Variants in ZFHX3 observed in about 807,000 individuals in gnomAD.
ZFHX3 encodes the protein zinc finger homeobox protein 3.
A neutral mutation model predicts 279.1 loss-of-function variants in ZFHX3; 42 were observed. The ratio of observed to expected loss-of-function variants is 0.15; its 90% CI spans 0.12 to 0.19. The LOEUF (loss-of-function observed/expected upper bound fraction) is 0.19, where lower values mean the gene tolerates loss of function less well. Ranked by LOEUF, ZFHX3 falls within the 10% of genes least tolerant of loss-of-function variation. The pLI, the probability that ZFHX3 is intolerant of heterozygous loss-of-function variation, is 1.00. For missense variants in ZFHX3, 4,981 were observed against 4,754.0 expected (o/e 1.05, Z -1.40); for synonymous variants, 2,293 against 1,957.8 (o/e 1.17, Z -4.52).
chr16:72,889,503 AAAG>A lies in ZFHX3; in HGVS notation c.3448+225_3448+227del, dbSNP rs1203890982. Among the ~76,000 whole-genome samples, 128 of 149,922 alleles carry A rather than the reference AAAG, an allele frequency of 8.5e-4. 2 individuals carry two copies. The highest frequency in any genetic ancestry group is 1.1e-3 in the African/African-American group (46 of 40,522). The stretch of plus-strand genomic sequence containing the variant: ...AATTTCCTTTAAAAAAAAAAAAAAA[AAAG>A]AAGAAGAAGAAGAAAGAAAAGAAAA... On this transcript the variant is annotated intron_variant, in intron 4 of 9. Transcript: ENST00000268489.
chr16:73,251,192 A>C (rs1192059327), intron 5 of ZFHX3, among the ~76,000 whole-genome samples: 1 of 152,208 alleles, frequency 6.6e-6, no homozygotes, highest in Non-Finnish European at 1.5e-5. Flanking sequence ...CTCACAGATA[A>C]TCCAAAGTAC....
intron 2 of ZFHX3, among the ~76,000 whole-genome samples, chr16:73,648,499 C>T (rs945351054): frequency 2.0e-5 from 3 of 152,194 alleles, no homozygotes; most frequent in South Asian, 2.1e-4. Context: ...AAGTGATTCT[C>T]CTGCTTCAGC....
chr16:73,487,446 A>C, intron 2 of ZFHX3: 1 of 437,568 alleles, frequency 2.3e-6, no homozygotes, highest in Non-Finnish European at 4.5e-6. Flanking sequence ...TCTGTTGCCC[A>C]GGCTGGAGTG....
At chr16:73,626,293 C>T (rs574611678) in intron 2 of ZFHX3, among the ~76,000 whole-genome samples, 26 of 152,208 alleles carry the variant, frequency 1.7e-4, no homozygotes, top group Middle Eastern at 6.8e-3. Flanking sequence ...AAGCAGTTGA[C>T]GAGAAAGTGA....
chr16:73,688,006 T>A (rs1335386821), intron 1 of ZFHX3, among the ~76,000 whole-genome samples: 1 of 152,114 alleles, frequency 6.6e-6, no homozygotes, highest in African/African-American at 2.4e-5. Flanking sequence ...CAGGCACATT[T>A]CAGTGGACAT....
chr16:72,911,978 G>A (rs1044255455), intron 3 of ZFHX3, among the ~76,000 whole-genome samples: 1 of 152,208 alleles, frequency 6.6e-6, no homozygotes, highest in African/African-American at 2.4e-5. Flanking sequence ...TAATGTAGAC[G>A]CTGTCTAGGG....
chr16:73,624,527 C>T (rs2052397495), intron 2 of ZFHX3, among the ~76,000 whole-genome samples: 1 of 151,792 alleles, frequency 6.6e-6, no homozygotes, highest in Non-Finnish European at 1.5e-5. Context: ...TAAGCTAGAA[C>T]CATCAACATT....
chr16:73,685,171 C>T (rs1007758128), intron 1 of ZFHX3, among the ~76,000 whole-genome samples: 10 of 151,786 alleles, frequency 6.6e-5, no homozygotes, highest in Admixed American at 1.3e-4. Context: ...CATGCCACCA[C>T]GCCCCTGGCT....
chr16:73,426,541 C>T (rs1384594924), intron 3 of ZFHX3, among the ~76,000 whole-genome samples: 4 of 152,082 alleles, frequency 2.6e-5, no homozygotes, highest in African/African-American at 9.6e-5. Flanking sequence ...AGCCAGAGTA[C>T]CCAAGAATGT....
intron 5 of ZFHX3, among the ~76,000 whole-genome samples, chr16:73,187,865 A>G (rs533867136): frequency 6.6e-6 from 1 of 151,950 alleles, no homozygotes; most frequent in Non-Finnish European, 1.5e-5. Flanking sequence ...AAAGTTTGGA[A>G]CTTTTTTTTT....
rs542157947 is a variant in ZFHX3, at chr16:72,928,516, G to A, written c.3216+21953C>T. Among the ~76,000 whole-genome samples the A allele has an allele frequency of 1.3e-3, 200 of 152,094 alleles. 5 individuals are homozygous for A. The South Asian group carries it at 0.017, about 13-fold the overall frequency. Reference sequence around the variant, plus strand: ...CAAGGCACCCTAAGGAGGGGTCAGCGGTGTTTATGATAGGCCCCCAAACTC... The same window carrying A: ...CAAGGCACCCTAAGGAGGGGTCAGCAGTGTTTATGATAGGCCCCCAAACTC... On this transcript the variant is annotated intron_variant, in intron 3 of 9. Transcript: ENST00000268489.
At chr16:73,334,807 A>ATTC (rs2015877545) in intron 3 of ZFHX3, among the ~76,000 whole-genome samples, 5 of 28,498 alleles carry the variant, frequency 1.8e-4, no homozygotes, top group Non-Finnish European at 3.7e-4. Context: ...TTTCTTTCTC[A>ATTC]TTCTTTTTTT....
chr16:73,366,350 C>T (rs2016527837), intron 3 of ZFHX3, among the ~76,000 whole-genome samples: 1 of 152,000 alleles, frequency 6.6e-6, no homozygotes, highest in Non-Finnish European at 1.5e-5. Flanking sequence ...TTAAAAGGCT[C>T]ATGATGTAAT....
chr16:73,190,687 C>T (rs1341463249), intron 5 of ZFHX3, among the ~76,000 whole-genome samples: 1 of 152,212 alleles, frequency 6.6e-6, no homozygotes, highest in Non-Finnish European at 1.5e-5. Flanking sequence ...GGAAAAGCTA[C>T]TTGTTGTGGC....
chr16:72,933,708 T>C (rs1172360741), intron 3 of ZFHX3, among the ~76,000 whole-genome samples: 1 of 152,210 alleles, frequency 6.6e-6, no homozygotes, highest in Non-Finnish European at 1.5e-5. Context: ...TATTGTAGTT[T>C]TATTATTTTA....
chr16:72,938,987 G>A (rs1960271673), intron 3 of ZFHX3, among the ~76,000 whole-genome samples: 1 of 150,138 alleles, frequency 6.7e-6, no homozygotes, highest in African/African-American at 2.5e-5. Flanking sequence ...TGGCTTCGGA[G>A]TCACACTTGC....
chr16:73,491,301 G>C (rs2019052327), intron 2 of ZFHX3, among the ~76,000 whole-genome samples: 2 of 152,190 alleles, frequency 1.3e-5, no homozygotes, highest in Non-Finnish European at 1.5e-5. Flanking sequence ...TTTCAGCCCA[G>C]AGGTGATACA....
intron 2 of ZFHX3, among the ~76,000 whole-genome samples, chr16:73,556,674 T>C (rs920943244): frequency 2.0e-5 from 3 of 150,440 alleles, no homozygotes; most frequent in Non-Finnish European, 4.4e-5. Flanking sequence ...AAGGAAGGAG[T>C]CCTAGGGGGT....
Position 72,796,350 on chromosome 16 carries a change from G to T in ZFHX3, c.6332C>A (p.Pro2111Gln). 1 of 1,613,928 alleles carries T rather than the reference G, an allele frequency of 6.2e-7. No homozygotes were observed. The highest frequency in any genetic ancestry group is 1.3e-5 in the African/African-American group (1 of 75,008). ...TCCCAGCTGCGGGGGTAGCTGAGCC[G>T]GCAAGGTCTGCAGCGGCATCGTCTG... ...MMQTMPLQTL[P>Q]AQLPPQLGPV... The change falls in exon 9 of 10, where the codon CCG becomes CAG. Residue 2111 changes from proline to glutamine, a missense_variant. Transcript: ENST00000268489.
Sources: allele counts gnomAD v4.1 joint callset (sites outside exome capture counted in the v4.1 genomes callset), GRCh38; gene constraint gnomAD v4.1.1; transcripts MANE v1.5; gene names NCBI Gene and HGNC (gene_info 2026-07-23, HGNC 2026-07-21).